DNAH7: variants seen among roughly 807,000 people sequenced by gnomAD.
DNAH7 encodes dynein axonemal heavy chain 7, also known as axonemal beta dynein heavy chain 7.
DNAH7 carries 397 observed loss-of-function variants against 444.6 expected under a neutral mutation model. That is an observed-to-expected ratio of 0.89 (90% confidence interval 0.82 to 0.97). The LOEUF (loss-of-function observed/expected upper bound fraction) is 0.97, where lower values mean the gene tolerates loss of function less well. Among genes scored for constraint, DNAH7 ranks in the 50% least tolerant of loss-of-function variants. The probability of loss-of-function intolerance (pLI) is 0.00; values close to 1 mark genes in which losing one functional copy is unlikely to be tolerated. For missense variants in DNAH7, 4,902 were observed against 4,800.8 expected, an observed-to-expected ratio of 1.02 and a Z score of -0.62; for synonymous variants, 1,636 against 1,624.4, an observed-to-expected ratio of 1.01 and a Z score of -0.17.
At chr2:196,020,792 G>T (rs1695334215) in intron 8 of DNAH7, among the ~76,000 whole-genome samples, 1 of 152,164 alleles carries the variant, frequency 6.6e-6, no homozygotes, top group African/African-American at 2.4e-5. Context: ...TGTATTTTCA[G>T]TAGAGACAGG....
At chr2:195,931,740 T>C (rs576991241) in intron 21 of DNAH7, among the ~76,000 whole-genome samples, 69 of 152,332 alleles carry the variant, frequency 4.5e-4, no homozygotes, top group African/African-American at 1.5e-3. Flanking sequence ...TGTAAATATG[T>C]GGCATTATTT....
In DNAH7 at chr2:195,796,729, C is replaced by G. The variant is rs755045731; in HGVS notation, c.10362G>C (p.Gly3454=). Reference sequence around the variant, plus strand: ...GAGATAAAGAGCTAAGTTTTGATCCCCCATATCCCTGTGTACAAGAATAGT... The same window carrying G: ...GAGATAAAGAGCTAAGTTTTGATCCGCCATATCCCTGTGTACAAGAATAGT... ...LLKFADDQGY[G]GSKLSSLSLG... The change falls in exon 56 of 65, where the codon GGG becomes GGC. Residue 3454 remains glycine (G), a synonymous_variant. Transcript: ENST00000312428. The G allele has an allele frequency of 3.7e-6, 6 of 1,613,462 alleles. No individual in the cohort carries two copies. The highest frequency in any genetic ancestry group is 1.7e-5 in the Admixed American group (1 of 59,920).
At chr2:195,833,659 T>C (rs1435277159) in intron 48 of DNAH7, among the ~76,000 whole-genome samples, 1 of 152,128 alleles carries the variant, frequency 6.6e-6, no homozygotes, top group Non-Finnish European at 1.5e-5. Context: ...ATAAGAGCTG[T>C]ATTGAAAAAT....
At chr2:195,790,024 C>A (rs1695804232) in intron 57 of DNAH7, among the ~76,000 whole-genome samples, 1 of 152,080 alleles carries the variant, frequency 6.6e-6, no homozygotes, top group Non-Finnish European at 1.5e-5. Context: ...TTTCCATACA[C>A]CAATAATGTT....
chr2:196,012,002 GT>G (rs1234450959), intron 10 of DNAH7, among the ~76,000 whole-genome samples: 4 of 152,088 alleles, frequency 2.6e-5, no homozygotes. Context: ...AAAGGCTAAA[GT>G]TTTTTCAAGT....
chr2:195,782,849 C>A (rs2105965165), intron 58 of DNAH7, among the ~76,000 whole-genome samples: 1 of 152,292 alleles, frequency 6.6e-6, no homozygotes, highest in South Asian at 2.1e-4. Flanking sequence ...TGTTTTGGTG[C>A]TCACCAACAT....
At position 196,028,028 on chromosome 2, in the gene DNAH7, C is replaced by G; in HGVS notation, c.418G>C (p.Asp140His). Reference sequence around the variant, plus strand: ...GTGCTTCCATCAGGGACAGCTGAGTCTAAGTCAGCATCTTGTTGCCTAAGA... The same window carrying G: ...GTGCTTCCATCAGGGACAGCTGAGTGTAAGTCAGCATCTTGTTGCCTAAGA... Reference protein sequence around the residue: ...NVIMQQDADLDSAVPDGSTIP... With the variant: ...NVIMQQDADLHSAVPDGSTIP... The change falls in exon 6 of 65, where the codon GAC becomes CAC. Residue 140 changes from aspartate (D) to histidine (H), a missense_variant. Coordinates refer to ENST00000312428, the MANE Select transcript of DNAH7 (RefSeq NM_018897.3). The G allele has an allele frequency of 6.2e-7, 1 of 1,607,924 alleles. No individual in the cohort carries two copies.
chr2:195,861,741 T>C lies in DNAH7; in HGVS notation c.7712A>G (p.Lys2571Arg), dbSNP rs201664050. ...TSYLELISTF[K>R]LLLEKKRSEV... Reference sequence around the variant, plus strand: ...CCTTCTTTTCTTTTCTAACAACAGTTTGAAGGTGGAGATTAATTCGAGGTA... The same window carrying C: ...CCTTCTTTTCTTTTCTAACAACAGTCTGAAGGTGGAGATTAATTCGAGGTA... The change falls in exon 42 of 65, where the codon AAA becomes AGA. Residue 2571 changes from lysine (K) to arginine (R), a missense_variant. Physicochemically the swap from Lys to Arg is conservative, Grantham distance 26 (BLOSUM62 2). Transcript: ENST00000312428. 4.5e-4 allele frequency: 730 copies of C among 1,612,126 alleles called. 2 individuals carry two copies. The highest frequency in any genetic ancestry group is 3.5e-3 in the Middle Eastern group (21 of 6,052).
At chr2:195,829,568 T>G (rs1257949602) in intron 48 of DNAH7, among the ~76,000 whole-genome samples, 1 of 152,108 alleles carries the variant, frequency 6.6e-6, no homozygotes, top group Non-Finnish European at 1.5e-5. Context: ...AGGAAGATTA[T>G]AACGTTTCAG....
chr2:195,764,690 C>G (rs1323781757), intron 61 of DNAH7, among the ~76,000 whole-genome samples: 1 of 151,690 alleles, frequency 6.6e-6, no homozygotes, highest in Non-Finnish European at 1.5e-5. Flanking sequence ...AGTAAAAAGA[C>G]CTCTATGATA....
intron 19 of DNAH7, among the ~76,000 whole-genome samples, chr2:195,955,062 C>T (rs530252919): frequency 1.3e-5 from 2 of 152,134 alleles, no homozygotes; most frequent in African/African-American, 2.4e-5. Flanking sequence ...GCTTTTGTTG[C>T]CATGGCTTTT....
In DNAH7 at chr2:196,046,609, A is replaced by G. The variant is rs531636310; in HGVS notation, c.398+743T>C. Reference sequence around the variant, plus strand: ...GCAAACTCGAAACCACTCTAGAAGAAGCACATACGCTCAACCCAGCTGCAT... The same window carrying G: ...GCAAACTCGAAACCACTCTAGAAGAGGCACATACGCTCAACCCAGCTGCAT... On this transcript the variant is annotated intron_variant, in intron 5 of 64. Coordinates refer to ENST00000312428, the MANE Select transcript of DNAH7 (RefSeq NM_018897.3). 2.6e-5 allele frequency among the ~76,000 whole-genome samples: 4 copies of G among 152,256 alleles called. No homozygotes were observed. In the East Asian group the frequency reaches 7.7e-4, roughly 29 times the overall value.
chr2:195,875,638 T>C, intron 38 of DNAH7, 37 bp downstream of exon 38: 1 of 1,525,078 alleles, frequency 6.6e-7, no homozygotes, highest in Non-Finnish European at 8.8e-7. Context: ...CTAGGGAGAT[T>C]TTTCCATCTT....
At chr2:195,749,967 A>C (rs1371971177) in intron 63 of DNAH7, among the ~76,000 whole-genome samples, 1 of 152,050 alleles carries the variant, frequency 6.6e-6, no homozygotes, top group Non-Finnish European at 1.5e-5. Flanking sequence ...ATGTACTCTA[A>C]AACTTAAAGT....
rs749068708 is a variant in DNAH7 at position 195,738,077 on chromosome 2, A to ATAAC, written c.11915_11918dup (p.Tyr3973Ter). The ATAAC allele has an allele frequency of 1.2e-6, 2 of 1,614,000 alleles. No individual in the cohort carries two copies. The highest frequency in any genetic ancestry group is 1.1e-5 in the South Asian group (1 of 91,086). On this transcript the variant is annotated stop_gained and frameshift_variant, in exon 65 of 65. Coordinates refer to ENST00000312428, the MANE Select transcript of DNAH7 (RefSeq NM_018897.3). LOFTEE classifies it low-confidence loss of function (END_TRUNC). ...CACTTGTCTTATACAATGGAGCAAC[A>ATAAC]TAACTTGGCCGTTTTGGTATATCTG...
intron 1 of DNAH7, 109 bp downstream of exon 1, chr2:196,068,588 G>A (rs1318345271): frequency 3.5e-6 from 5 of 1,413,456 alleles, no homozygotes; most frequent in Non-Finnish European, 3.9e-6. Context: ...GCTGTACACC[G>A]CGGAGTCACA....
chr2:195,853,038 A>T (rs980665733), intron 46 of DNAH7, among the ~76,000 whole-genome samples: 9 of 152,056 alleles, frequency 5.9e-5, no homozygotes, highest in Non-Finnish European at 1.3e-4. Context: ...TTTAAAAAAA[A>T]TTTTATTTTT....
At chr2:195,838,277 T>G (rs1345745472) in intron 47 of DNAH7, among the ~76,000 whole-genome samples, 4 of 151,860 alleles carry the variant, frequency 2.6e-5, no homozygotes, top group African/African-American at 4.8e-5. Context: ...GGACCTAGAG[T>G]CTCATATTCA....
Position 195,857,451 on chromosome 2 carries a change from T to C in DNAH7, c.8340A>G (p.Pro2780=). The change falls in exon 44 of 65, where the codon CCA becomes CCG. Residue 2780 remains proline, a synonymous_variant. Transcript: ENST00000312428. The part of the protein sequence containing the change: ...KNYIPNPDFV[P]EKIRNASTAA... ...CTGTAGAAGCATTTCTGATTTTTTCTGGTACAAAATCTGGATTTGGAATAT... is the reference window on the plus strand; with the variant it reads ...CTGTAGAAGCATTTCTGATTTTTTCCGGTACAAAATCTGGATTTGGAATAT... 3 of 1,613,170 alleles carry C rather than the reference T, an allele frequency of 1.9e-6. No homozygotes were observed. In the Admixed American group the frequency reaches 5.0e-5, roughly 27 times the overall value.
Sources: allele counts gnomAD v4.1 joint callset (sites outside exome capture counted in the v4.1 genomes callset), GRCh38; gene constraint gnomAD v4.1.1; transcripts MANE v1.5; gene names NCBI Gene and HGNC (gene_info 2026-07-23, HGNC 2026-07-21).